The following GASK1B variants were observed in gnomAD, a reference collection of about 807,000 sequenced individuals.
GASK1B encodes golgi associated kinase 1B.
GASK1B carries 34 observed loss-of-function variants against 42.8 expected under a neutral mutation model. The observed-to-expected ratio is 0.79, with a 90% CI of 0.60 to 1.06. The LOEUF is 1.06. GASK1B is among the 50% of genes least tolerant of loss of function. The pLI is 0.00. For missense variants in GASK1B, 686 were observed against 661.0 expected (o/e 1.04, Z -0.42); for synonymous variants, 262 against 259.1 (o/e 1.01, Z -0.11).
intron 2 of GASK1B, among the ~76,000 whole-genome samples, chr4:158,162,043 A>G (rs1289612062): frequency 1.3e-5 from 2 of 151,836 alleles, no homozygotes; most frequent in African/African-American, 4.8e-5. Flanking sequence ...TCCTGAACAC[A>G]CTCTGCTTTC....
intron 3 of GASK1B, among the ~76,000 whole-genome samples, chr4:158,138,799 C>A (rs1456309078): frequency 6.6e-6 from 1 of 152,036 alleles, no homozygotes. Flanking sequence ...AAAATCAGTT[C>A]TCTTTTGAAA....
At chr4:158,145,593 T>C (rs1731299798) in intron 3 of GASK1B, among the ~76,000 whole-genome samples, 1 of 152,184 alleles carries the variant, frequency 6.6e-6, no homozygotes, top group South Asian at 2.1e-4. Context: ...TTTTTCCATT[T>C]CTAGATTACA....
rs199563417 is a variant in GASK1B at position 158,130,927 on chromosome 4, C to T, written c.1211G>A (p.Cys404Tyr). 1.5e-5 allele frequency: 24 copies of T among 1,614,124 alleles called. No homozygotes were observed. Among genetic ancestry groups the T allele is most frequent in the Admixed American group, 8.3e-5 (5 of 60,014 alleles). The change falls in exon 4 of 5, where the codon TGT becomes TAT. Residue 404 changes from cysteine (C) to tyrosine (Y), a missense_variant. Physicochemically the swap from Cys to Tyr is radical, Grantham distance 194. Coordinates refer to ENST00000585682, the MANE Select transcript of GASK1B (RefSeq NM_001128424.2). ...ACVQNGLRPK[C>Y]DDQGSAALAH... ...TAGAGCCGCAGAACCTTGGTCATCA[C>T]ATTTTGGCCTCAATCCATTCTGTAC...
At chr4:158,163,209 T>G (rs1732092915) in intron 2 of GASK1B, among the ~76,000 whole-genome samples, 1 of 152,182 alleles carries the variant, frequency 6.6e-6, no homozygotes, top group African/African-American at 2.4e-5. Context: ...ATAAACCAAC[T>G]AAGAAAATCT....
intron 3 of GASK1B, among the ~76,000 whole-genome samples, chr4:158,135,709 G>A (rs141160012): frequency 2.6e-5 from 4 of 151,892 alleles, no homozygotes; most frequent in African/African-American, 7.2e-5. Flanking sequence ...AAAAGGAGGC[G>A]CATTTGTGTA....
Position 158,171,000 on chromosome 4 carries a change from T to A in GASK1B, c.376A>T (p.Lys126Ter). 6.2e-7 allele frequency: 1 copy of A among 1,614,196 alleles called. No individual in the cohort carries two copies. Among genetic ancestry groups the A allele is most frequent in the Non-Finnish European group, 8.5e-7 (1 of 1,180,022 alleles). The change falls in exon 2 of 5, where the codon AAG becomes TAG. Residue 126 changes from lysine to a stop codon, truncating the protein, a stop_gained. Coordinates refer to ENST00000585682, the MANE Select transcript of GASK1B (RefSeq NM_001128424.2). LOFTEE classifies it high-confidence loss of function. ...GCATGCTTTTTCCTGCGCTTGGGCT[T>A]CACGGTGCCACGGATATTGGCCGGC... ...SKPANIRGTV[K>*]PKRRKKHAVA...
At chr4:158,157,714 C>T (rs762954885) in intron 2 of GASK1B, among the ~76,000 whole-genome samples, 4 of 152,068 alleles carry the variant, frequency 2.6e-5, no homozygotes, top group South Asian at 2.1e-4. Context: ...AATCAACACG[C>T]GGGTCAGAAG....
In GASK1B at chr4:158,171,024, G is replaced by A; in HGVS notation, c.352C>T (p.Pro118Ser). ...YITLRSKRSK[P>S]ANIRGTVKPK... ...TTCACGGTGCCACGGATATTGGCCG[G>A]CTTGCTGCGCTTGGAGCGTAGGGTA... Residue 118 changes from proline to serine, a missense_variant, in exon 2 of 5, where the codon CCG becomes TCG. Coordinates refer to ENST00000585682, the MANE Select transcript of GASK1B (RefSeq NM_001128424.2). 3 of 1,613,974 alleles carry A rather than the reference G, an allele frequency of 1.9e-6. No individual in the cohort carries two copies. The highest frequency in any genetic ancestry group is 1.3e-5 in the African/African-American group (1 of 75,058).
At chr4:158,141,683 T>C (rs576062503) in intron 3 of GASK1B, among the ~76,000 whole-genome samples, 1 of 136,308 alleles carries the variant, frequency 7.3e-6, no homozygotes, top group Admixed American at 8.1e-5. Context: ...CTCGGCTCAC[T>C]GCAAGCTCCG....
At chr4:158,136,265 C>T (rs1439382570) in intron 3 of GASK1B, among the ~76,000 whole-genome samples, 2 of 151,970 alleles carry the variant, frequency 1.3e-5, no homozygotes, top group African/African-American at 2.4e-5. Flanking sequence ...TGTGCACCTA[C>T]GGTCCCAGCT....
chr4:158,131,244 T>C (rs1730672795), intron 3 of GASK1B, among the ~76,000 whole-genome samples: 2 of 152,202 alleles, frequency 1.3e-5, no homozygotes, highest in South Asian at 4.1e-4. Flanking sequence ...AGTCAGATTA[T>C]CCAAGTTAGG....
At chr4:158,135,757 A>G (rs1240012754) in intron 3 of GASK1B, among the ~76,000 whole-genome samples, 1 of 152,160 alleles carries the variant, frequency 6.6e-6, no homozygotes, top group Non-Finnish European at 1.5e-5. Context: ...TATTAGTTAT[A>G]AAGGTTTCGT....
At position 158,143,398 on chromosome 4, in the gene GASK1B, C is replaced by T. The variant is rs185253919; in HGVS notation, c.1125+12213G>A. Among the ~76,000 whole-genome samples the T allele has an allele frequency of 5.3e-4, 80 of 152,100 alleles. 1 individual carries two copies. Among genetic ancestry groups the T allele is most frequent in the Non-Finnish European group, 1.0e-3 (70 of 67,980 alleles). On this transcript the variant is annotated intron_variant, in intron 3 of 4. Transcript: ENST00000585682. ...GGAAGTCTTTAGAGATTTTATTTTG[C>T]AAGTGGCAATATGATTAAAAGGGAA... is the stretch of plus-strand genomic sequence containing the variant.
chr4:158,146,145 G>GT lies in GASK1B; in HGVS notation c.1125+9465dup, dbSNP rs34180957. ...ACTTACTATTTTAATATAACTAGTTGTTTTTTTTTTTCAATAAACCATGCC... is the reference window on the plus strand; with the variant it reads ...ACTTACTATTTTAATATAACTAGTTGTTTTTTTTTTTTCAATAAACCATGCC... On this transcript the variant is annotated intron_variant, in intron 3 of 4. Transcript: ENST00000585682. Among the ~76,000 whole-genome samples the GT allele has an allele frequency of 3.3e-4, 50 of 149,812 alleles. No homozygotes were observed. In the South Asian group the frequency reaches 6.7e-3, roughly 20 times the overall value.
At chr4:158,148,202 A>C (rs779089875) in intron 3 of GASK1B, among the ~76,000 whole-genome samples, 15 of 152,228 alleles carry the variant, frequency 9.9e-5, no homozygotes, top group Non-Finnish European at 1.8e-4. Context: ...GAACAGAGCG[A>C]GACCCTGTCT....
chr4:158,162,000 C>T (rs1457837717), intron 2 of GASK1B, among the ~76,000 whole-genome samples: 3 of 152,158 alleles, frequency 2.0e-5, no homozygotes, highest in Admixed American at 1.3e-4. Context: ...CCCCTAAACC[C>T]TAATCTGTTG....
intron 3 of GASK1B, among the ~76,000 whole-genome samples, chr4:158,137,831 G>A (rs1208317389): frequency 1.3e-5 from 2 of 152,090 alleles, no homozygotes; most frequent in Non-Finnish European, 2.9e-5. Flanking sequence ...TGTTAAATTA[G>A]TGAGCATGCA....
In GASK1B at chr4:158,139,690, TATAAAA is replaced by T. The variant is rs1731041547; in HGVS notation, c.1126-8684_1126-8679del. Among the ~76,000 whole-genome samples the T allele has an allele frequency of 5.9e-5, 9 of 152,322 alleles. 1 individual carries two copies. The South Asian group carries it at 1.9e-3, about 32-fold the overall frequency. On this transcript the variant is annotated intron_variant, in intron 3 of 4. Coordinates refer to ENST00000585682, the MANE Select transcript of GASK1B (RefSeq NM_001128424.2). ...AAAAAATAAGTATGCATTAAATTCA[TATAAAA>T]ATAATCTATCATATGTTAATATAAA...
In GASK1B at chr4:158,130,940, A is replaced by G; in HGVS notation, c.1198T>C (p.Leu400=). The G allele has an allele frequency of 6.2e-7, 1 of 1,614,088 alleles. No individual in the cohort carries two copies. Among genetic ancestry groups the G allele is most frequent in the Non-Finnish European group, 8.5e-7 (1 of 1,179,976 alleles). ...RKEDACVQNG[L]RPKCDDQGSA... ...CCTTGGTCATCACATTTTGGCCTCA[A>G]TCCATTCTGTACACAGGCATCTTCC... The change falls in exon 4 of 5, where the codon TTG becomes CTG. Residue 400 remains leucine (L), a synonymous_variant. Transcript: ENST00000585682.
Sources: allele counts gnomAD v4.1 joint callset (sites outside exome capture counted in the v4.1 genomes callset), GRCh38; gene constraint gnomAD v4.1.1; transcripts MANE v1.5; gene names NCBI Gene and HGNC (gene_info 2026-07-23, HGNC 2026-07-21).